ESRRG: variants seen among roughly 807,000 people sequenced by gnomAD.
The protein encoded by ESRRG is estrogen-related receptor gamma.
A neutral mutation model predicts 44.0 loss-of-function variants in ESRRG; 13 were observed. That is an observed-to-expected ratio of 0.30 (90% confidence interval 0.19 to 0.47). The LOEUF is 0.47. Among genes scored for constraint, ESRRG ranks in the 20% least tolerant of loss-of-function variants. ESRRG has a pLI of 1.00. For synonymous variants in ESRRG, 215 were observed against 214.6 expected (o/e 1.00, Z -0.02); for missense variants, 395 against 580.6 (o/e 0.68, Z 3.29).
intron 3 of ESRRG, among the ~76,000 whole-genome samples, chr1:216,580,308 T>TA (rs2062510105): frequency 6.6e-6 from 1 of 152,172 alleles, no homozygotes; most frequent in Admixed American, 6.6e-5. Context: ...GTAATTCTTG[T>TA]TTGGCGTGTT....
At chr1:216,987,127 G>T (rs930448723) in intron 1 of ESRRG, among the ~76,000 whole-genome samples, 1 of 152,126 alleles carries the variant, frequency 6.6e-6, no homozygotes, top group Non-Finnish European at 1.5e-5. Flanking sequence ...TATTTTTCTG[G>T]ATTTTTTAAA....
intron 2 of ESRRG, among the ~76,000 whole-genome samples, chr1:216,898,430 C>A (rs2058674761): frequency 6.6e-6 from 1 of 152,000 alleles, no homozygotes; most frequent in African/African-American, 2.4e-5. Flanking sequence ...CCAGCCTGGC[C>A]AACATGGTGA....
At chr1:216,894,732 G>A (rs1016099673) in intron 2 of ESRRG, among the ~76,000 whole-genome samples, 24 of 152,114 alleles carry the variant, frequency 1.6e-4, no homozygotes, top group African/African-American at 3.4e-4. Context: ...CAGAGAACAC[G>A]GTCAAGTGGT....
At chr1:216,836,556 GA>G (rs2095568034) in intron 2 of ESRRG, among the ~76,000 whole-genome samples, 1 of 152,120 alleles carries the variant, frequency 6.6e-6, no homozygotes, top group South Asian at 2.1e-4. Context: ...GATGACCGGG[GA>G]AGCGCCAGGA....
chr1:216,629,122 T>C (rs1353119009), intron 3 of ESRRG, among the ~76,000 whole-genome samples: 2 of 152,202 alleles, frequency 1.3e-5, no homozygotes, highest in African/African-American at 4.8e-5. Flanking sequence ...CAGCCAGTTA[T>C]ATGGCAAACT....
intron 3 of ESRRG, among the ~76,000 whole-genome samples, chr1:216,617,132 C>A (rs556212955): frequency 2.0e-5 from 3 of 152,036 alleles, no homozygotes; most frequent in Admixed American, 2.0e-4. Flanking sequence ...CTTCCTTTAC[C>A]CTAACGATTT....
intron 5 of ESRRG, among the ~76,000 whole-genome samples, chr1:216,550,326 A>G (rs2055901024): frequency 6.6e-6 from 1 of 152,176 alleles, no homozygotes; most frequent in South Asian, 2.1e-4. Context: ...CCGATGTGAC[A>G]CATTTGCATC....
At chr1:216,887,885 C>A (rs2057246033) in intron 2 of ESRRG, among the ~76,000 whole-genome samples, 2 of 152,262 alleles carry the variant, frequency 1.3e-5, no homozygotes, top group Admixed American at 6.5e-5. Context: ...AGTTTTCAGT[C>A]TCCTGGTGAC....
intron 5 of ESRRG, among the ~76,000 whole-genome samples, chr1:216,525,039 A>G (rs1226901041): frequency 6.6e-6 from 1 of 152,214 alleles, no homozygotes; most frequent in East Asian, 1.9e-4. Context: ...AATTGAAAAC[A>G]TGCCCCCATA....
chr1:217,114,949 C>A (rs2092704553), intron 1 of ESRRG, among the ~76,000 whole-genome samples: 1 of 152,134 alleles, frequency 6.6e-6, no homozygotes, highest in Admixed American at 6.5e-5. Context: ...AGCTGTGAAC[C>A]ACCACGCCCA....
intron 2 of ESRRG, among the ~76,000 whole-genome samples, chr1:216,762,357 A>G (rs2092826317): frequency 6.6e-6 from 1 of 152,092 alleles, no homozygotes; most frequent in Admixed American, 6.6e-5. Flanking sequence ...CATATACACT[A>G]TGGAATACTA....
intron 1 of ESRRG, among the ~76,000 whole-genome samples, chr1:216,982,767 C>T (rs2074174219): frequency 6.6e-6 from 1 of 152,250 alleles, no homozygotes; most frequent in South Asian, 2.1e-4. Flanking sequence ...CAAAGAGGTT[C>T]TTTTGGTGAT....
At chr1:216,915,415 T>G (rs1320434414) in intron 2 of ESRRG, among the ~76,000 whole-genome samples, 1 of 152,060 alleles carries the variant, frequency 6.6e-6, no homozygotes, top group African/African-American at 2.4e-5. Context: ...CACACATTCC[T>G]CTCTCCTTAA....
At chr1:216,818,821 G>A (rs1464016601) in intron 2 of ESRRG, among the ~76,000 whole-genome samples, 1 of 152,002 alleles carries the variant, frequency 6.6e-6, no homozygotes, top group Non-Finnish European at 1.5e-5. Flanking sequence ...GTGTCCATGT[G>A]TTCTCATCAC....
At chr1:216,830,911 G>T (rs1431446265) in intron 2 of ESRRG, among the ~76,000 whole-genome samples, 1 of 152,090 alleles carries the variant, frequency 6.6e-6, no homozygotes, top group Non-Finnish European at 1.5e-5. Context: ...ACAGTAAACT[G>T]AAATGTCATA....
chr1:216,901,435 A>C (rs1223182170), intron 2 of ESRRG, among the ~76,000 whole-genome samples: 1 of 151,760 alleles, frequency 6.6e-6, no homozygotes, highest in Non-Finnish European at 1.5e-5. Context: ...TGGCGTGATC[A>C]CACCTCATTG....
intron 5 of ESRRG, among the ~76,000 whole-genome samples, chr1:216,550,961 T>C (rs1162228762): frequency 6.6e-6 from 1 of 152,032 alleles, no homozygotes; most frequent in African/African-American, 2.4e-5. Context: ...AATCAGAACA[T>C]GGGAATAGAG....
chr1:217,130,624 A>G (rs1316448403), intron 1 of ESRRG, among the ~76,000 whole-genome samples: 2 of 152,214 alleles, frequency 1.3e-5, no homozygotes, highest in Admixed American at 1.3e-4. Flanking sequence ...CAATTAATGA[A>G]TATGTGTAGG....
intron 1 of ESRRG, among the ~76,000 whole-genome samples, chr1:217,042,760 C>A (rs995917925): frequency 1.3e-5 from 2 of 152,074 alleles, no homozygotes; most frequent in Non-Finnish European, 2.9e-5. Flanking sequence ...AAAAAGCTCT[C>A]CAAAAGGGTC....
Sources: gnomAD v4.1 joint callset for allele counts (sites outside exome capture counted in the v4.1 genomes callset) on GRCh38, gnomAD v4.1.1 for gene constraint, MANE v1.5 for transcripts, NCBI Gene and HGNC (gene_info 2026-07-23, HGNC 2026-07-21) for gene names.